The following FBXW2 variants were observed in gnomAD, a reference collection of about 807,000 sequenced individuals.
FBXW2 encodes the protein F-box and WD repeat domain containing 2, also known as F-box/WD repeat-containing protein 2.
Under a neutral mutation model 46.0 loss-of-function variants are expected in FBXW2, and 12 were observed. The ratio of observed to expected loss-of-function variants is 0.26; its 90% confidence interval spans 0.17 to 0.42. The LOEUF (loss-of-function observed/expected upper bound fraction) is 0.42, where lower values mean the gene tolerates loss of function less well. Among genes scored for constraint, FBXW2 ranks in the 10% least tolerant of loss-of-function variants. FBXW2 has a pLI of 1.00. For synonymous variants in FBXW2, 203 were observed against 209.6 expected (o/e 0.97, Z 0.27); for missense variants, 360 against 537.0 (o/e 0.67, Z 3.26).
chr9:120,785,893 C>A (rs979201929), intron 3 of FBXW2, among the ~76,000 whole-genome samples: 1 of 151,640 alleles, frequency 6.6e-6, no homozygotes, highest in African/African-American at 2.4e-5. Flanking sequence ...TGTGGTGGCG[C>A]ACACCTGTAA....
At chr9:120,778,880 G>T (rs1355716845) in intron 3 of FBXW2, among the ~76,000 whole-genome samples, 5 of 152,160 alleles carry the variant, frequency 3.3e-5, no homozygotes, top group African/African-American at 1.2e-4. Context: ...TCTCTGATTT[G>T]ACTTCAAATA....
Position 120,778,368 on chromosome 9 carries a change from C to A in FBXW2, c.668G>T (p.Arg223Leu). 1 of 1,613,336 alleles carries A rather than the reference C, an allele frequency of 6.2e-7. No homozygotes were observed. The highest frequency in any genetic ancestry group is 1.1e-5 in the South Asian group (1 of 91,032). The stretch of plus-strand genomic sequence containing the variant: ...CAACCCACCCGCCCCCGTGTGCCCC[C>A]GAAAGTGCTGGGTCCTGGCTCCGGA... ...WSSGARTQHF[R>L]GHTGAVFSVD... Residue 223 changes from arginine (R) to leucine (L), a missense_variant, in exon 4 of 8, where the codon CGG becomes CTG. Physicochemically the swap from Arg to Leu is moderately radical, Grantham distance 102. Coordinates refer to ENST00000608872, the MANE Select transcript of FBXW2 (RefSeq NM_012164.4).
chr9:120,773,038 T>C (rs548359351), intron 5 of FBXW2, among the ~76,000 whole-genome samples, 198 bp from the exon 6 acceptor site: 4 of 152,288 alleles, frequency 2.6e-5, no homozygotes, highest in African/African-American at 9.6e-5. Flanking sequence ...GTGTCTAACG[T>C]TAGCCAGATG....
intron 3 of FBXW2, among the ~76,000 whole-genome samples, chr9:120,779,799 A>T (rs1162170638): frequency 6.6e-6 from 1 of 152,214 alleles, no homozygotes; most frequent in Non-Finnish European, 1.5e-5. Context: ...GTGCTATCCA[A>T]CAGAAAATAT....
In FBXW2 at chr9:120,761,460, T is replaced by G. The variant is rs537567398; in HGVS notation, c.*3099A>C. 1 of 152,198 alleles carries G rather than the reference T, an allele frequency of 6.6e-6. No individual in the cohort carries two copies. Among genetic ancestry groups the G allele is most frequent in the Non-Finnish European group, 1.5e-5 (1 of 68,030 alleles). The allele number at this position is 152,198 out of a possible 1,614,324, so 9.4% of individuals were successfully genotyped here. On this transcript the variant is annotated 3_prime_UTR_variant, in exon 8 of 8. Coordinates refer to ENST00000608872, the MANE Select transcript of FBXW2 (RefSeq NM_012164.4). ...GAGGGAAAGGCAATTCCCTTACCTA[T>G]GCGCTAAGGAAGCCAAAGTCAGTGT... is the stretch of plus-strand genomic sequence containing the variant.
chr9:120,792,623 T>C (rs1209627143), intron 2 of FBXW2: 1 of 210,426 alleles, frequency 4.8e-6, no homozygotes, highest in Non-Finnish European at 9.9e-6. Context: ...GTTTATAAAA[T>C]ATGTGTTCTG....
At chr9:120,770,626 TA>T (rs1297319507) in intron 7 of FBXW2, among the ~76,000 whole-genome samples, 1 of 152,192 alleles carries the variant, frequency 6.6e-6, no homozygotes, top group Non-Finnish European at 1.5e-5. Flanking sequence ...ATAGTCACTT[TA>T]TAGATGATGA....
chr9:120,791,535 T>C (rs372421219), intron 2 of FBXW2, among the ~76,000 whole-genome samples: 42 of 152,322 alleles, frequency 2.8e-4, no homozygotes, highest in African/African-American at 7.9e-4. Flanking sequence ...TAGCACAGTG[T>C]ACAGTCTAGC....
chr9:120,771,444 C>G lies in FBXW2; in HGVS notation c.980G>C (p.Cys327Ser). 1 of 1,614,160 alleles carries G rather than the reference C, an allele frequency of 6.2e-7. No individual in the cohort carries two copies. The highest frequency in any genetic ancestry group is 8.5e-7 in the Non-Finnish European group (1 of 1,180,014). ...TLSVSEDRSICLQPRLHFDGK... is the reference protein window; with the variant it reads ...TLSVSEDRSISLQPRLHFDGK... ...ATCAAAATGAAGTCTTGGCTGCAGGCAGATACTTCTATCCTCAGAGACAGA... is the reference window on the plus strand; with the variant it reads ...ATCAAAATGAAGTCTTGGCTGCAGGGAGATACTTCTATCCTCAGAGACAGA... Residue 327 changes from cysteine (C) to serine (S), a missense_variant, in exon 7 of 8, where the codon TGC becomes TCC. Coordinates refer to ENST00000608872, the MANE Select transcript of FBXW2 (RefSeq NM_012164.4).
At position 120,764,388 on chromosome 9, in the gene FBXW2, C is replaced by T. The variant is rs776359667; in HGVS notation, c.*171G>A. 3 of 668,036 alleles carry T rather than the reference C, an allele frequency of 4.5e-6. No homozygotes were observed. The highest frequency in any genetic ancestry group is 2.9e-5 in the Admixed American group (1 of 34,322). 41.4% of individuals were successfully genotyped at this position (668,036 alleles called of 1,614,324 possible). Reference sequence around the variant, plus strand: ...GCGTTGTATGTCAATAAAACAAGCCCTCCCCCACCCCGAGCCCTGGCCCCT... The same window carrying T: ...GCGTTGTATGTCAATAAAACAAGCCTTCCCCCACCCCGAGCCCTGGCCCCT... On this transcript the variant is annotated 3_prime_UTR_variant, in exon 8 of 8. Transcript: ENST00000608872.
intron 3 of FBXW2, among the ~76,000 whole-genome samples, chr9:120,779,116 C>A (rs894848797): frequency 5.3e-5 from 8 of 152,162 alleles, no homozygotes; most frequent in African/African-American, 9.7e-5. Flanking sequence ...TCAAGGAAAA[C>A]CTGGGATAAA....
intron 6 of FBXW2, among the ~76,000 whole-genome samples, chr9:120,772,546 TTC>T (rs2044402495): frequency 1.3e-5 from 2 of 152,144 alleles, no homozygotes; most frequent in Admixed American, 1.3e-4. Context: ...TTATGTGAAT[TTC>T]TTTTTCATTT....
intron 3 of FBXW2, among the ~76,000 whole-genome samples, chr9:120,782,081 G>GTGAACTAAGTGCTCAGTGA (rs1197609213): frequency 1.3e-5 from 2 of 150,710 alleles, no homozygotes; most frequent in African/African-American, 4.9e-5. Flanking sequence ...GAACCTTGAA[G>GTGAACTAAGTGCTCAGTGA]ACATCATGCT....
chr9:120,774,269 G>A (rs1392697398), intron 5 of FBXW2, among the ~76,000 whole-genome samples: 1 of 149,692 alleles, frequency 6.7e-6, no homozygotes, highest in Non-Finnish European at 1.5e-5. Context: ...CCCGGCAGAT[G>A]GATGCTGCAG....
At chr9:120,774,205 T>C (rs554695710) in intron 5 of FBXW2, among the ~76,000 whole-genome samples, 1 of 151,700 alleles carries the variant, frequency 6.6e-6, no homozygotes, top group African/African-American at 2.4e-5. Flanking sequence ...GGCATGGTGG[T>C]GGGCGCCTGT....
intron 2 of FBXW2, among the ~76,000 whole-genome samples, chr9:120,790,168 T>C (rs2131382022): frequency 6.6e-6 from 1 of 152,312 alleles, no homozygotes; most frequent in Middle Eastern, 3.4e-3. Context: ...GCTAGTTAAT[T>C]AATACTGGTC....
chr9:120,778,703 A>C (rs2044550279), intron 3 of FBXW2, among the ~76,000 whole-genome samples, 158 bp from the exon 4 acceptor site: 1 of 152,210 alleles, frequency 6.6e-6, no homozygotes, highest in South Asian at 2.1e-4. Flanking sequence ...GAGTAACACA[A>C]CTTGCTTAGA....
intron 5 of FBXW2, among the ~76,000 whole-genome samples, chr9:120,773,180 A>G (rs1210190349): frequency 1.3e-5 from 2 of 148,878 alleles, no homozygotes; most frequent in Non-Finnish European, 3.0e-5. Flanking sequence ...GAGCAAGACC[A>G]CAACGCTTAA....
Position 120,764,866 on chromosome 9 carries a change from G to A in FBXW2, c.1077-19C>T. ...GATGACCCTACAAGGATGAGAGTTA[G>A]GGACTGTGAAAGAAGGCAACCTTGC... is the stretch of plus-strand genomic sequence containing the variant. On this transcript the variant is annotated intron_variant, in intron 7 of 7. Coordinates refer to ENST00000608872, the MANE Select transcript of FBXW2 (RefSeq NM_012164.4). The A allele has an allele frequency of 3.3e-6, 5 of 1,518,876 alleles. No individual in the cohort carries two copies. The highest frequency in any genetic ancestry group is 4.4e-6 in the Non-Finnish European group (5 of 1,130,846). The allele number at this position is 1,518,876 out of a possible 1,614,324, so 94.1% of individuals were successfully genotyped here. A position where few individuals can be genotyped will look rare whatever the true frequency, so the allele number is the denominator to read the frequency against.
Sources: allele counts gnomAD v4.1 joint callset (sites outside exome capture counted in the v4.1 genomes callset), GRCh38; gene constraint gnomAD v4.1.1; transcripts MANE v1.5; gene names NCBI Gene and HGNC (gene_info 2026-07-23, HGNC 2026-07-21).